Variants in KIAA1217 observed in about 807,000 individuals in gnomAD.
KIAA1217 encodes the protein KIAA1217.
Under a neutral mutation model 163.9 loss-of-function variants are expected in KIAA1217, and 88 were observed. The ratio of observed to expected loss-of-function variants is 0.54; its 90% CI spans 0.45 to 0.64. The LOEUF (loss-of-function observed/expected upper bound fraction) is 0.64, where lower values mean the gene tolerates loss of function less well. Among genes scored for constraint, KIAA1217 ranks in the 30% least tolerant of loss-of-function variants. KIAA1217 has a pLI of 0.00. For missense variants in KIAA1217, 2,372 were observed against 2,475.0 expected (o/e 0.96, Z 0.88); for synonymous variants, 903 against 923.1 (o/e 0.98, Z 0.39).
At chr10:23,832,516 G>A (rs556683378) in intron 1 of KIAA1217, among the ~76,000 whole-genome samples, 32 of 152,236 alleles carry the variant, frequency 2.1e-4, no homozygotes, top group Middle Eastern at 3.4e-3. Context: ...CTCCTGAAGC[G>A]CAGGAGTAGG....
At chr10:23,895,850 G>A (rs1247752212) in intron 1 of KIAA1217, among the ~76,000 whole-genome samples, 2 of 151,700 alleles carry the variant, frequency 1.3e-5, no homozygotes, top group Non-Finnish European at 2.9e-5. Flanking sequence ...TAGGGACATG[G>A]ATGAAATTGG....
intron 2 of KIAA1217, among the ~76,000 whole-genome samples, chr10:24,276,965 C>T (rs183655775): frequency 8.3e-4 from 127 of 152,148 alleles, no homozygotes; most frequent in Non-Finnish European, 1.3e-3. Flanking sequence ...CCCCGTGTTG[C>T]CCAAGCTGGT....
Position 24,439,992 on chromosome 10 carries a change from G to A in KIAA1217, c.846+1513G>A, listed in dbSNP as rs566853339. Among the ~76,000 whole-genome samples the A allele has an allele frequency of 2.6e-5, 4 of 152,308 alleles. No homozygotes were observed. The South Asian group carries it at 8.3e-4, about 32-fold the overall frequency. ...ATTGGGTAAGTTTAGAACCATAAAA[G>A]AAGCCAGCAGATCTAGCTGAAAGTG... On this transcript the variant is annotated intron_variant, in intron 5 of 20. Coordinates refer to ENST00000376454, the MANE Select transcript of KIAA1217 (RefSeq NM_019590.5).
At chr10:24,523,296 T>C (rs1400638624) in intron 12 of KIAA1217, among the ~76,000 whole-genome samples, 1 of 152,160 alleles carries the variant, frequency 6.6e-6, no homozygotes, top group Non-Finnish European at 1.5e-5. Flanking sequence ...CACTCCAGCC[T>C]GGGCAACAGA....
chr10:24,501,600 T>G, intron 9 of KIAA1217, 55 bp downstream of exon 9: 1 of 1,542,844 alleles, frequency 6.5e-7, no homozygotes, highest in Non-Finnish European at 8.8e-7. Flanking sequence ...CTTCCTACCT[T>G]CCTTTTCCTA....
At chr10:24,524,143 G>A (rs1233246859) in intron 12 of KIAA1217, among the ~76,000 whole-genome samples, 180 bp from the exon 13 acceptor site, 1 of 152,178 alleles carries the variant, frequency 6.6e-6, no homozygotes. Context: ...TGATGGAGTT[G>A]CAAGGGTCTG....
chr10:23,941,449 G>C (rs928673795), intron 1 of KIAA1217, among the ~76,000 whole-genome samples: 1 of 152,144 alleles, frequency 6.6e-6, no homozygotes, highest in Non-Finnish European at 1.5e-5. Context: ...TGGATAATGG[G>C]ACCACATTGA....
chr10:24,511,291 T>C (rs2069127939), intron 9 of KIAA1217, among the ~76,000 whole-genome samples: 1 of 151,694 alleles, frequency 6.6e-6, no homozygotes, highest in African/African-American at 2.4e-5. Flanking sequence ...GCCTGGAGAA[T>C]GGGCTGCAGC....
chr10:24,373,047 A>G (rs1257894533), intron 2 of KIAA1217, among the ~76,000 whole-genome samples: 2 of 152,136 alleles, frequency 1.3e-5, no homozygotes, highest in East Asian at 1.9e-4. Flanking sequence ...AGCTTGTCCA[A>G]TCCAATAAAA....
intron 2 of KIAA1217, among the ~76,000 whole-genome samples, chr10:24,264,688 G>A (rs1193644213): frequency 6.6e-6 from 1 of 151,828 alleles, no homozygotes; most frequent in Non-Finnish European, 1.5e-5. Context: ...TGAATGATCT[G>A]ACAGGCCGTT....
intron 3 of KIAA1217, among the ~76,000 whole-genome samples, chr10:24,430,922 C>A (rs970651362): frequency 6.6e-6 from 1 of 152,192 alleles, no homozygotes; most frequent in Non-Finnish European, 1.5e-5. Flanking sequence ...GGCTGGGGAC[C>A]TTTGTGCTAC....
chr10:24,052,543 GC>G (rs1589310357), intron 2 of KIAA1217, among the ~76,000 whole-genome samples: 1 of 151,928 alleles, frequency 6.6e-6, no homozygotes, highest in East Asian at 1.9e-4. Context: ...AGAATATTTT[GC>G]TATCTAAACT....
rs58865993 is a variant in KIAA1217, at chr10:23,995,450, C to CTGTGTG, written c.-320-11748_-320-11743dup. Reference sequence around the variant, plus strand: ...CAATTCCATTACAGCCAATTATGGCCTGTGTGTGTGTGTGTGTGTGTGTGT... The same window carrying CTGTGTG: ...CAATTCCATTACAGCCAATTATGGCCTGTGTGTGTGTGTGTGTGTGTGTGTGTGTGT... On this transcript the variant is annotated intron_variant, in intron 1 of 18. Coordinates refer to the KIAA1217 transcript ENST00000376462. Among the ~76,000 whole-genome samples the CTGTGTG allele has an allele frequency of 9.7e-3, 1,434 of 147,812 alleles. 22 individuals carry two copies. Among genetic ancestry groups the CTGTGTG allele is most frequent in the African/African-American group, 0.033 (1,338 of 40,088 alleles).
intron 2 of KIAA1217, among the ~76,000 whole-genome samples, chr10:24,314,948 A>G (rs548752014): frequency 2.0e-5 from 3 of 152,218 alleles, no homozygotes; most frequent in Admixed American, 6.5e-5. Flanking sequence ...TCTCGAAAAA[A>G]AAATAATAAT....
At chr10:24,403,474 A>T (rs936072124) in intron 3 of KIAA1217, among the ~76,000 whole-genome samples, 1 of 152,084 alleles carries the variant, frequency 6.6e-6, no homozygotes, top group Non-Finnish European at 1.5e-5. Flanking sequence ...CCTGACCTCA[A>T]GTGATCCTCC....
intron 2 of KIAA1217, among the ~76,000 whole-genome samples, chr10:24,094,889 A>T (rs2062086013): frequency 6.6e-6 from 1 of 152,184 alleles, no homozygotes; most frequent in Admixed American, 6.5e-5. Context: ...GGCTCCACCC[A>T]GTTCGAGCTT....
Position 24,473,494 on chromosome 10 carries a change from A to G in KIAA1217, c.1113A>G (p.Arg371=). Reference sequence around the variant, plus strand: ...GCCCAAGCGCCATTTTAGAAAGAAGAGATGTCAAGCCTGATGAAGACATGA... The same window carrying G: ...GCCCAAGCGCCATTTTAGAAAGAAGGGATGTCAAGCCTGATGAAGACATGA... ...SPSPSAILER[R]DVKPDEDMSG... is the part of the protein sequence containing the mutation. The change falls in exon 6 of 21, where the codon AGA becomes AGG. Residue 371 remains arginine, a synonymous_variant. Coordinates refer to ENST00000376454, the MANE Select transcript of KIAA1217 (RefSeq NM_019590.5). 6.2e-7 allele frequency: 1 copy of G among 1,614,186 alleles called. No homozygotes were observed. Among genetic ancestry groups the G allele is most frequent in the Non-Finnish European group, 8.5e-7 (1 of 1,180,034 alleles).
chr10:24,466,694 T>G (rs16924796), intron 5 of KIAA1217: 82,701 of 985,288 alleles, frequency 0.084, 3,881 homozygotes, highest in East Asian at 0.18. Context: ...ACCAAGGATT[T>G]AGATGAAGCC....
intron 2 of KIAA1217, among the ~76,000 whole-genome samples, chr10:24,181,452 T>C (rs1007970128): frequency 6.6e-6 from 1 of 152,014 alleles, no homozygotes; most frequent in Non-Finnish European, 1.5e-5. Flanking sequence ...AGTCTCCAAG[T>C]CAAAGGAGAA....
Sources: gnomAD v4.1 joint callset for allele counts (sites outside exome capture counted in the v4.1 genomes callset) on GRCh38, gnomAD v4.1.1 for gene constraint, MANE v1.5 for transcripts, NCBI Gene and HGNC (gene_info 2026-07-23, HGNC 2026-07-21) for gene names.